TTC21A: variants seen among roughly 807,000 people sequenced by gnomAD.
TTC21A encodes tetratricopeptide repeat protein 21A.
A neutral mutation model predicts 156.4 loss-of-function variants in TTC21A; 128 were observed. The observed-to-expected ratio is 0.82, with a 90% CI of 0.71 to 0.95. The LOEUF (loss-of-function observed/expected upper bound fraction) is 0.95, where lower values mean the gene tolerates loss of function less well. Among genes scored for constraint, TTC21A ranks in the 40% least tolerant of loss-of-function variants. TTC21A has a pLI of 0.00. For missense variants in TTC21A, 1,435 were observed against 1,602.3 expected (o/e 0.90, Z 1.78); for synonymous variants, 587 against 617.1 (o/e 0.95, Z 0.72).
chr3:39,125,691 T>A (rs899634890), intron 11 of TTC21A, among the ~76,000 whole-genome samples, 159 bp downstream of exon 11: 1 of 152,194 alleles, frequency 6.6e-6, no homozygotes, highest in Non-Finnish European at 1.5e-5. Context: ...AACTTGAACA[T>A]ACAGCACACA....
chr3:39,129,734 G>A (rs891600723), intron 15 of TTC21A, among the ~76,000 whole-genome samples: 1 of 152,246 alleles, frequency 6.6e-6, no homozygotes, highest in Non-Finnish European at 1.5e-5. Context: ...AGTAGGGAAG[G>A]CTATCCAGCA....
chr3:39,135,630 G>A (rs993861246), intron 22 of TTC21A, among the ~76,000 whole-genome samples: 5 of 152,210 alleles, frequency 3.3e-5, no homozygotes, highest in Admixed American at 1.3e-4. Flanking sequence ...AGGTCACCAC[G>A]GTTAGGAGTA....
intron 4 of TTC21A, 124 bp from the exon 5 acceptor site, chr3:39,112,334 A>G: frequency 1.1e-6 from 1 of 946,584 alleles, no homozygotes; most frequent in South Asian, 1.5e-5. Flanking sequence ...CTGCCCTGGG[A>G]TCTGCACGGG....
chr3:39,122,428 G>T (rs72861406), intron 9 of TTC21A, among the ~76,000 whole-genome samples: 18,775 of 152,184 alleles, frequency 0.12, 1,508 homozygotes, highest in African/African-American at 0.23. Context: ...GGAATTCGAA[G>T]CAGATCTAGA....
chr3:39,132,997 T>C, intron 19 of TTC21A, 55 bp from the exon 20 acceptor site: 1 of 1,577,408 alleles, frequency 6.3e-7, no homozygotes, highest in Non-Finnish European at 8.7e-7. Flanking sequence ...GGACTTTCTG[T>C]GAACTGGTAT....
At chr3:39,131,151 G>A (rs12637881) in intron 19 of TTC21A, 56 bp downstream of exon 19, 167,737 of 1,442,932 alleles carry the variant, frequency 0.12, 10,049 homozygotes, top group Admixed American at 0.17. Context: ...GGGGGCTGAA[G>A]GAGGAGGAAG....
At chr3:39,108,575 T>A (rs80123375) in intron 1 of TTC21A, among the ~76,000 whole-genome samples, 1 of 152,144 alleles carries the variant, frequency 6.6e-6, no homozygotes, top group South Asian at 2.1e-4. Flanking sequence ...TCCAACCACA[T>A]CTGCTCCCAA....
chr3:39,128,221 T>C (rs1274969), intron 12 of TTC21A, 110 bp from the exon 13 acceptor site: 834,618 of 1,270,676 alleles, frequency 0.66, 280,525 homozygotes, highest in East Asian at 0.71. Flanking sequence ...AAATACTCAA[T>C]TTTGTATATT....
chr3:39,107,695 C>G lies in TTC21A; in HGVS notation c.-143C>G. 3.7e-6 allele frequency: 5 copies of G among 1,355,784 alleles called. No homozygotes were observed. The South Asian group carries it at 4.8e-5, about 13-fold the overall frequency. The allele number at this position is 1,355,784 out of a possible 1,614,324, so 84.0% of individuals were successfully genotyped here. A position where few individuals can be genotyped will look rare whatever the true frequency, so the allele number is the denominator to read the frequency against. ...CTCCCACTCCAGACACTGGACGCTCCTAGCAACCGGCTAGCAGCTCGGTTT... is the reference window on the plus strand; with the variant it reads ...CTCCCACTCCAGACACTGGACGCTCGTAGCAACCGGCTAGCAGCTCGGTTT... On this transcript the variant is annotated 5_prime_UTR_variant, in exon 1 of 29. Coordinates refer to ENST00000683103, the MANE Select transcript of TTC21A (RefSeq NM_001366900.1).
At chr3:39,128,026 A>G (rs2038409980) in intron 12 of TTC21A, among the ~76,000 whole-genome samples, 1 of 152,200 alleles carries the variant, frequency 6.6e-6, no homozygotes, top group Non-Finnish European at 1.5e-5. Flanking sequence ...TTGAGACTTA[A>G]TGTGTTCCCC....
intron 6 of TTC21A, among the ~76,000 whole-genome samples, chr3:39,116,606 G>A (rs1255290803): frequency 6.6e-6 from 1 of 151,950 alleles, no homozygotes; most frequent in African/African-American, 2.4e-5. Flanking sequence ...CTCTTGAGAA[G>A]CTAGGACTAC....
At chr3:39,122,169 G>A (rs368130993) in intron 9 of TTC21A, among the ~76,000 whole-genome samples, 16 of 152,098 alleles carry the variant, frequency 1.1e-4, no homozygotes, top group African/African-American at 3.6e-4. Flanking sequence ...AAATTAGCCA[G>A]GTGTGGTGGA....
chr3:39,136,757 C>T (rs933273258), intron 23 of TTC21A, 142 bp from the exon 24 acceptor site: 80 of 1,164,152 alleles, frequency 6.9e-5, no homozygotes, highest in African/African-American at 5.2e-4. Context: ...ACAGGTCCGA[C>T]GCCCGCATCT....
chr3:39,112,524 G>C lies in TTC21A; in HGVS notation c.502G>C (p.Glu168Gln). The C allele has an allele frequency of 6.2e-7, 1 of 1,614,234 alleles. No individual in the cohort carries two copies. Among genetic ancestry groups the C allele is most frequent in the Non-Finnish European group, 8.5e-7 (1 of 1,180,036 alleles). ...DKPHTAKKAI[E>Q]YLEQGIQDTK... ...GCCCCACACTGCGAAGAAAGCCATT[G>C]AGTACCTGGAACAAGGAATTCAGGA... The change falls in exon 5 of 29, where the codon GAG becomes CAG. Residue 168 changes from glutamate (E) to glutamine (Q), a missense_variant. By Grantham distance (29) the Glu-to-Gln change is conservative. Coordinates refer to ENST00000683103, the MANE Select transcript of TTC21A (RefSeq NM_001366900.1).
At chr3:39,123,070 G>T (rs1484196422) in intron 9 of TTC21A, among the ~76,000 whole-genome samples, 1 of 152,204 alleles carries the variant, frequency 6.6e-6, no homozygotes, top group African/African-American at 2.4e-5. Context: ...GTTAAGGCTA[G>T]TACAGAAAAG....
chr3:39,111,294 C>A (rs533322566), intron 4 of TTC21A, among the ~76,000 whole-genome samples: 1 of 152,316 alleles, frequency 6.6e-6, no homozygotes, highest in African/African-American at 2.4e-5. Flanking sequence ...CTCACTGCAG[C>A]CTCAACCTCC....
chr3:39,137,028 A>G lies in TTC21A; in HGVS notation c.3225A>G (p.Gly1075=). The G allele has an allele frequency of 6.2e-7, 1 of 1,613,932 alleles. No individual in the cohort carries two copies. Among genetic ancestry groups the G allele is most frequent in the Non-Finnish European group, 8.5e-7 (1 of 1,179,976 alleles). The change falls in exon 24 of 29, where the codon GGA becomes GGG. Residue 1075 remains glycine (G), a synonymous_variant. Transcript: ENST00000683103. ...CLNPDNEVVG[G]EAFENQGAES... ...ATCCAGACAACGAGGTTGTGGGCGG[A>G]GAGGCTTTTGAGAACCAGGGAGCTG...
chr3:39,135,486 TTC>T (rs1249387850), intron 22 of TTC21A, among the ~76,000 whole-genome samples: 7 of 152,194 alleles, frequency 4.6e-5, no homozygotes, highest in African/African-American at 1.7e-4. Context: ...GGACTAGAAA[TTC>T]TCCCCCGTTG....
At position 39,110,355 on chromosome 3, in the gene TTC21A, G is replaced by A. The variant is rs2036705921; in HGVS notation, c.268+216G>A. The A allele has an allele frequency of 1.8e-5, 11 of 608,932 alleles. No homozygotes were observed. In the South Asian group the frequency reaches 1.9e-4, roughly 10 times the overall value. The allele number at this position is 608,932 out of a possible 1,614,324, so 37.7% of individuals were successfully genotyped here. ...GCCCAACTGAGTGGAAGCAGGCAGA[G>A]CCCATGACAGTGGGAGGGGCCCATG... On this transcript the variant is annotated intron_variant, in intron 3 of 28. Transcript: ENST00000683103.
Sources: gnomAD v4.1 joint callset for allele counts (sites outside exome capture counted in the v4.1 genomes callset) on GRCh38, gnomAD v4.1.1 for gene constraint, MANE v1.5 for transcripts, NCBI Gene and HGNC (gene_info 2026-07-23, HGNC 2026-07-21) for gene names.